ARHGAP44: variants seen among roughly 807,000 people sequenced by gnomAD.
ARHGAP44 encodes rho GTPase-activating protein 44.
A neutral mutation model predicts 106.8 loss-of-function variants in ARHGAP44; 43 were observed. The observed-to-expected ratio is 0.40, with a 90% confidence interval of 0.32 to 0.52. ARHGAP44 has a LOEUF of 0.52. ARHGAP44 is among the 20% of genes least tolerant of loss of function. The pLI is 0.48. For synonymous variants in ARHGAP44, 439 were observed against 410.3 expected (o/e 1.07, Z -0.85); for missense variants, 866 against 1,050.5 (o/e 0.82, Z 2.43).
In ARHGAP44 at chr17:12,980,191, AGC is replaced by A; in HGVS notation, c.1898_1899del (p.Ser633ThrfsTer98). On this transcript the variant is annotated frameshift_variant, in exon 19 of 21. Coordinates refer to ENST00000379672, the MANE Select transcript of ARHGAP44 (RefSeq NM_014859.6). LOFTEE classifies it high-confidence loss of function. ...TCAGCCGGGCGCCAGCCCCAGCCCCAGCCAGCCGCCTGCAGACCAGAGTCCTC... is the reference window on the plus strand; with the variant it reads ...TCAGCCGGGCGCCAGCCCCAGCCCCACAGCCGCCTGCAGACCAGAGTCCTC... The part of the protein sequence containing the change: ...GAQPGASPSP[S>X]QPPADQSPHT... 6.2e-7 allele frequency: 1 copy of A among 1,613,544 alleles called. No homozygotes were observed.
At chr17:12,877,103 T>G (rs2036581043) in intron 1 of ARHGAP44, among the ~76,000 whole-genome samples, 1 of 152,092 alleles carries the variant, frequency 6.6e-6, no homozygotes, top group South Asian at 2.1e-4. Flanking sequence ...TTGTTTGTAA[T>G]AAGACCGTCT....
At chr17:12,790,681 C>T (rs958573626) in intron 1 of ARHGAP44, 4 of 152,656 alleles carry the variant, frequency 2.6e-5, no homozygotes, top group Admixed American at 1.3e-4. Flanking sequence ...CTGCTGCCAT[C>T]ACGGTGAAAA....
chr17:12,897,581 C>A (rs916844312), intron 3 of ARHGAP44, among the ~76,000 whole-genome samples: 1 of 151,994 alleles, frequency 6.6e-6, no homozygotes, highest in African/African-American at 2.4e-5. Context: ...GCAAGAGGAA[C>A]TGTCTAAAGG....
chr17:12,986,943 A>G (rs779969164), intron 20 of ARHGAP44: 1 of 659,506 alleles, frequency 1.5e-6, no homozygotes, highest in Non-Finnish European at 2.5e-6. Flanking sequence ...GTTTTGTCCC[A>G]TACGTTCAGG....
At chr17:12,865,775 C>CGA in intron 1 of ARHGAP44, among the ~76,000 whole-genome samples, 1 of 131,896 alleles carries the variant, frequency 7.6e-6, no homozygotes, top group South Asian at 2.5e-4. Flanking sequence ...GGCAACAGAG[C>CGA]GAGACTCATC....
intron 3 of ARHGAP44, among the ~76,000 whole-genome samples, chr17:12,903,954 G>T (rs2037470887): frequency 1.3e-5 from 2 of 152,144 alleles, no homozygotes; most frequent in South Asian, 4.1e-4. Flanking sequence ...TCACCTTAGA[G>T]AATCTTTTTA....
intron 5 of ARHGAP44, among the ~76,000 whole-genome samples, chr17:12,917,549 C>T (rs1021190232): frequency 2.6e-5 from 4 of 152,088 alleles, no homozygotes; most frequent in African/African-American, 9.7e-5. Flanking sequence ...TGGATGGTAC[C>T]GCTCCATTGT....
At chr17:12,881,721 G>T (rs2036742942) in intron 1 of ARHGAP44, among the ~76,000 whole-genome samples, 1 of 151,958 alleles carries the variant, frequency 6.6e-6, no homozygotes, top group African/African-American at 2.4e-5. Context: ...TTTGAGACAG[G>T]ATCTCTCTGT....
chr17:12,875,860 C>G (rs1415659601), intron 1 of ARHGAP44, among the ~76,000 whole-genome samples: 1 of 152,194 alleles, frequency 6.6e-6, no homozygotes, highest in Non-Finnish European at 1.5e-5. Flanking sequence ...AGGAGAATCA[C>G]TTGAACCCGG....
chr17:12,816,021 A>G (rs191893644), intron 1 of ARHGAP44, among the ~76,000 whole-genome samples: 3 of 152,226 alleles, frequency 2.0e-5, no homozygotes, highest in Non-Finnish European at 2.9e-5. Flanking sequence ...TAGTTGAGAT[A>G]TGGTCTGTGA....
intron 1 of ARHGAP44, among the ~76,000 whole-genome samples, chr17:12,889,363 A>G (rs2036974441): frequency 6.6e-6 from 1 of 152,200 alleles, no homozygotes; most frequent in Admixed American, 6.5e-5. Flanking sequence ...AGGGGCTAGC[A>G]TCTGGTGAAG....
chr17:12,979,651 C>A (rs1263970462), intron 18 of ARHGAP44, among the ~76,000 whole-genome samples: 1 of 152,214 alleles, frequency 6.6e-6, no homozygotes, highest in Non-Finnish European at 1.5e-5. Flanking sequence ...CACAGTGGCC[C>A]TGAGAAGTCC....
intron 3 of ARHGAP44, among the ~76,000 whole-genome samples, chr17:12,903,138 AGAGTGTGTGTGTGTGTGT>A (rs1345620895): frequency 1.4e-3 from 137 of 94,616 alleles, no homozygotes; most frequent in African/African-American, 5.2e-3. Flanking sequence ...AGAGAGAGAG[AGAGTGTGTGTGTGTGTGT>A]GTGTGTGTGT....
At chr17:12,966,476 T>A (rs1042431375) in intron 16 of ARHGAP44, among the ~76,000 whole-genome samples, 2 of 152,040 alleles carry the variant, frequency 1.3e-5, no homozygotes, top group African/African-American at 4.8e-5. Context: ...AAGAGAGGAG[T>A]TACTTCCAGA....
intron 9 of ARHGAP44, 32 bp downstream of exon 9, chr17:12,943,701 G>T: frequency 6.2e-7 from 1 of 1,606,066 alleles, no homozygotes; most frequent in Non-Finnish European, 8.5e-7. Flanking sequence ...AGAAGGGAGG[G>T]CCGGGGTGCC....
intron 1 of ARHGAP44, among the ~76,000 whole-genome samples, chr17:12,871,965 C>G (rs1263087713): frequency 1.3e-5 from 2 of 152,128 alleles, no homozygotes; most frequent in African/African-American, 2.4e-5. Context: ...TATGAATTAC[C>G]CAGTCTCAGG....
chr17:12,797,040 T>C (rs2033945457), intron 1 of ARHGAP44, among the ~76,000 whole-genome samples: 1 of 152,206 alleles, frequency 6.6e-6, no homozygotes, highest in Non-Finnish European at 1.5e-5. Flanking sequence ...TTTTAATATA[T>C]TAAGCATATG....
chr17:12,845,332 A>AC (rs2035533196), intron 1 of ARHGAP44, among the ~76,000 whole-genome samples: 1 of 151,998 alleles, frequency 6.6e-6, no homozygotes, highest in South Asian at 2.1e-4. Flanking sequence ...ACATGGTGAA[A>AC]CCCCATCTCT....
At chr17:12,909,082 T>C (rs2037645997) in intron 4 of ARHGAP44, 109 bp downstream of exon 4, 10 of 971,952 alleles carry the variant, frequency 1.0e-5, no homozygotes, top group Non-Finnish European at 1.4e-5. Context: ...CTGGGGACTT[T>C]AGTGGAAAAA....
Sources: gnomAD v4.1 joint callset for allele counts (sites outside exome capture counted in the v4.1 genomes callset) on GRCh38, gnomAD v4.1.1 for gene constraint, MANE v1.5 for transcripts, NCBI Gene and HGNC (gene_info 2026-07-23, HGNC 2026-07-21) for gene names.